Variants in RPS6KA1 observed in about 807,000 individuals in gnomAD.
RPS6KA1 encodes ribosomal protein S6 kinase alpha-1.
Under a neutral mutation model 91.3 loss-of-function variants are expected in RPS6KA1, and 48 were observed. The ratio of observed to expected loss-of-function variants is 0.53; its 90% CI spans 0.42 to 0.67. RPS6KA1 has a LOEUF of 0.67. Among genes scored for constraint, RPS6KA1 ranks in the 30% least tolerant of loss-of-function variants. The probability of loss-of-function intolerance (pLI) is 0.00; values close to 1 mark genes in which losing one functional copy is unlikely to be tolerated. For synonymous variants in RPS6KA1, 359 were observed against 384.7 expected, an observed-to-expected ratio of 0.93 and a Z score of 0.78; for missense variants, 719 against 960.5, an observed-to-expected ratio of 0.75 and a Z score of 3.32.
chr1:26,553,131 G>A (rs1293570353), intron 6 of RPS6KA1, among the ~76,000 whole-genome samples: 3 of 152,144 alleles, frequency 2.0e-5, no homozygotes, highest in Non-Finnish European at 4.4e-5. Context: ...GCAGGGGAGA[G>A]GGCTGATTCC....
intron 2 of RPS6KA1, among the ~76,000 whole-genome samples, chr1:26,542,952 C>G (rs1179199552): frequency 6.6e-6 from 1 of 152,086 alleles, no homozygotes; most frequent in Non-Finnish European, 1.5e-5. Context: ...GAGAGGTGTG[C>G]CCCTGGGCCT....
chr1:26,553,282 A>C, intron 6 of RPS6KA1, 109 bp from the exon 7 acceptor site: 1 of 690,338 alleles, frequency 1.4e-6, no homozygotes, highest in East Asian at 2.6e-5. Context: ...GGGGTTTCCA[A>C]GGGTCCTCCC....
At chr1:26,559,533 A>AT (rs1427275066) in intron 14 of RPS6KA1, among the ~76,000 whole-genome samples, 3,783 of 137,330 alleles carry the variant, frequency 0.028, 65 homozygotes, top group Non-Finnish European at 0.036. Flanking sequence ...CACCCAGCTA[A>AT]TTTTTTTTTT....
intron 17 of RPS6KA1, among the ~76,000 whole-genome samples, chr1:26,563,208 A>G (rs2076169857): frequency 6.6e-6 from 1 of 151,358 alleles, no homozygotes; most frequent in Non-Finnish European, 1.5e-5. Flanking sequence ...AGTTCCACAC[A>G]TTTCATTCAG....
At chr1:26,565,495 C>A (rs1319726720) in intron 17 of RPS6KA1, among the ~76,000 whole-genome samples, 1 of 152,046 alleles carries the variant, frequency 6.6e-6, no homozygotes, top group African/African-American at 2.4e-5. Context: ...GGATAACCAT[C>A]CTAAGCTAAA....
chr1:26,573,022 G>A (rs1041120352), intron 20 of RPS6KA1, among the ~76,000 whole-genome samples: 8 of 152,224 alleles, frequency 5.3e-5, no homozygotes, highest in Non-Finnish European at 1.0e-4. Flanking sequence ...GTTCCAGGAC[G>A]AAGGGCCTAG....
In RPS6KA1 at chr1:26,529,819, G is replaced by T. The variant is rs989573680; in HGVS notation, c.-102G>T. ...GCCCAGCCGGAGCGCGAGGGGCTCGGGGGGGCGCGGCGGTTCGGGTCGCAG... is the reference window on the plus strand; with the variant it reads ...GCCCAGCCGGAGCGCGAGGGGCTCGTGGGGGCGCGGCGGTTCGGGTCGCAG... On this transcript the variant is annotated 5_prime_UTR_variant, in exon 1 of 22. Coordinates refer to ENST00000374168, the MANE Select transcript of RPS6KA1 (RefSeq NM_002953.4). This position sits in a 1 kb window ranked among gnomAD's most constrained non-coding sequence, Gnocchi z 4.2. The T allele has an allele frequency of 1.2e-5, 11 of 883,056 alleles. No individual in the cohort carries two copies. The highest frequency in any genetic ancestry group is 9.5e-5 in the Admixed American group (2 of 21,016). 54.7% of individuals were successfully genotyped at this position (883,056 alleles called of 1,614,324 possible).
rs1018949267 is a variant in RPS6KA1, at chr1:26,546,920, T to C, written c.162T>C (p.Ser54=). ...ISITHHVKAG[S]EKADPSHFEL... Reference sequence around the variant, plus strand: ...TCACGCACCACGTCAAGGCTGGCTCTGAGAAGGCTGATCCATCCCATTTCG... The same window carrying C: ...TCACGCACCACGTCAAGGCTGGCTCCGAGAAGGCTGATCCATCCCATTTCG... The change falls in exon 3 of 22, where the codon TCT becomes TCC. Residue 54 remains serine (S), a synonymous_variant. Coordinates refer to ENST00000374168, the MANE Select transcript of RPS6KA1 (RefSeq NM_002953.4). 6.2e-7 allele frequency: 1 copy of C among 1,614,164 alleles called. No individual in the cohort carries two copies. Among genetic ancestry groups the C allele is most frequent in the Non-Finnish European group, 8.5e-7 (1 of 1,180,024 alleles).
Position 26,554,005 on chromosome 1 carries a change from G to T in RPS6KA1, c.576-209G>T. 1.8e-6 allele frequency: 1 copy of T among 542,338 alleles called. No homozygotes were observed. The highest frequency in any genetic ancestry group is 2.7e-5 in the South Asian group (1 of 37,676). 33.6% of individuals were successfully genotyped at this position (542,338 alleles called of 1,614,324 possible). ...GCAAAACGGGGCCCTAATAGTACTT[G>T]CCTCACACAGTTGCTTCAAGGATTA... On this transcript the variant is annotated intron_variant, in intron 7 of 21. Coordinates refer to ENST00000374168, the MANE Select transcript of RPS6KA1 (RefSeq NM_002953.4). This position sits in a 1 kb window ranked among gnomAD's most constrained non-coding sequence, Gnocchi z 4.6.
In RPS6KA1 at chr1:26,561,277, G is replaced by A; in HGVS notation, c.1431+143G>A. 3.2e-6 allele frequency: 3 copies of A among 932,950 alleles called. No individual in the cohort carries two copies. Among genetic ancestry groups the A allele is most frequent in the African/African-American group, 1.6e-5 (1 of 60,688 alleles). The allele number at this position is 932,950 out of a possible 1,614,324, so 57.8% of individuals were successfully genotyped here. A position where few individuals can be genotyped will look rare whatever the true frequency, so the allele number is the denominator to read the frequency against. Reference sequence around the variant, plus strand: ...GGAGGTCCCTTGGTCCCTTCAGTCTGCCCATACCCCAAGGGCCCTCCTTCA... The same window carrying A: ...GGAGGTCCCTTGGTCCCTTCAGTCTACCCATACCCCAAGGGCCCTCCTTCA... On this transcript the variant is annotated intron_variant, in intron 16 of 21. Coordinates refer to ENST00000374168, the MANE Select transcript of RPS6KA1 (RefSeq NM_002953.4). The surrounding 1 kb of genome is among the most constrained non-coding windows in gnomAD (Gnocchi z 5.7).
rs568341581 is a variant in RPS6KA1 at position 26,572,021 on chromosome 1, C to T, written c.1829+96C>T. On this transcript the variant is annotated intron_variant, in intron 19 of 21. Transcript: ENST00000374168. ...GATAGGAATGGCTCAGCCAGCCCCG[C>T]CCCAGGATGGTCTGGAAATAGGGAC... 3.6e-6 allele frequency: 5 copies of T among 1,400,570 alleles called. No homozygotes were observed. In the East Asian group the frequency reaches 9.3e-5, roughly 26 times the overall value. The allele number at this position is 1,400,570 out of a possible 1,614,324, so 86.8% of individuals were successfully genotyped here. A position where few individuals can be genotyped will look rare whatever the true frequency, so the allele number is the denominator to read the frequency against.
At chr1:26,534,887 C>G (rs2075895373) in intron 1 of RPS6KA1, among the ~76,000 whole-genome samples, 1 of 152,160 alleles carries the variant, frequency 6.6e-6, no homozygotes, top group South Asian at 2.1e-4. Flanking sequence ...GGACTTGATT[C>G]TACAGGCAGT....
At chr1:26,553,519 A>C in intron 7 of RPS6KA1, 22 bp downstream of exon 7, 1 of 1,535,720 alleles carries the variant, frequency 6.5e-7, no homozygotes, top group Non-Finnish European at 9.0e-7. Context: ...CTCCAGCCCC[A>C]CCCCAGCCTC....
At chr1:26,534,471 C>A (rs571279821) in intron 1 of RPS6KA1, among the ~76,000 whole-genome samples, 2 of 152,136 alleles carry the variant, frequency 1.3e-5, no homozygotes, top group South Asian at 4.2e-4. Flanking sequence ...AGGAGTTTGC[C>A]AAAGTGACAA....
chr1:26,542,837 C>T (rs1017912708), intron 2 of RPS6KA1, among the ~76,000 whole-genome samples: 9 of 152,208 alleles, frequency 5.9e-5, no homozygotes, highest in South Asian at 4.1e-4. Context: ...CCTCCCCTCA[C>T]GTGGATGTTT....
chr1:26,574,686 A>C lies in RPS6KA1; in HGVS notation c.*485A>C, dbSNP rs1381602306. On this transcript the variant is annotated 3_prime_UTR_variant, in exon 22 of 22. Coordinates refer to ENST00000374168, the MANE Select transcript of RPS6KA1 (RefSeq NM_002953.4). This position sits in a 1 kb window ranked among gnomAD's most constrained non-coding sequence, Gnocchi z 4.3. ...AGCATCTGGCTGTTTAGCAGAACTC[A>C]TTCTATCCCCAATCAGCTCCTTTTC... 8.7e-6 allele frequency: 3 copies of C among 345,690 alleles called. No individual in the cohort carries two copies. The highest frequency in any genetic ancestry group is 1.7e-5 in the Non-Finnish European group (3 of 175,896). The allele number at this position is 345,690 out of a possible 1,614,324, so 21.4% of individuals were successfully genotyped here. A position where few individuals can be genotyped will look rare whatever the true frequency, so the allele number is the denominator to read the frequency against.
At chr1:26,530,799 G>A (rs1251812681) in intron 1 of RPS6KA1, 1 of 1,288,720 alleles carries the variant, frequency 7.8e-7, no homozygotes, top group Non-Finnish European at 1.0e-6. Context: ...TAAGCGTGCA[G>A]AAGGCCACCT....
At chr1:26,545,805 G>T in intron 2 of RPS6KA1, 1 of 1,406,780 alleles carries the variant, frequency 7.1e-7, no homozygotes, top group South Asian at 1.5e-5. Flanking sequence ...CCCAGCCCCC[G>T]CCCTTACCCT....
At chr1:26,542,396 G>A (rs2075955434) in intron 2 of RPS6KA1, among the ~76,000 whole-genome samples, 1 of 152,236 alleles carries the variant, frequency 6.6e-6, no homozygotes, top group Non-Finnish European at 1.5e-5. Flanking sequence ...TGTGCGTGGG[G>A]GCATGTGTTT....
Sources: allele counts gnomAD v4.1 joint callset (sites outside exome capture counted in the v4.1 genomes callset), GRCh38; gene constraint gnomAD v4.1.1; non-coding constraint Gnocchi (gnomAD v3.1); transcripts MANE v1.5; gene names NCBI Gene and HGNC (gene_info 2026-07-23, HGNC 2026-07-21).